The following ARHGEF12 variants were observed in gnomAD, a reference collection of about 807,000 sequenced individuals.
The protein encoded by ARHGEF12 is Rho guanine nucleotide exchange factor 12, also known as KMT2A/ARHGEF12 fusion protein.
A neutral mutation model predicts 211.2 loss-of-function variants in ARHGEF12; 66 were observed. The observed-to-expected ratio is 0.31, with a 90% CI of 0.26 to 0.38. The LOEUF is 0.38. Among genes scored for constraint, ARHGEF12 ranks in the 10% least tolerant of loss-of-function variants. ARHGEF12 has a pLI of 1.00. For synonymous variants in ARHGEF12, 592 were observed against 638.4 expected, an observed-to-expected ratio of 0.93 and a Z score of 1.09; for missense variants, 1,429 against 1,869.5, an observed-to-expected ratio of 0.76 and a Z score of 4.34.
At chr11:120,446,731 A>G (rs1946058991) in intron 17 of ARHGEF12, among the ~76,000 whole-genome samples, 2 of 152,126 alleles carry the variant, frequency 1.3e-5, no homozygotes, top group African/African-American at 2.4e-5. Flanking sequence ...TGCTGTGTCT[A>G]TGCTAAGTGT....
In ARHGEF12 at chr11:120,441,572, A is replaced by G. The variant is rs1945869019; in HGVS notation, c.1093-135A>G. The G allele has an allele frequency of 6.4e-6, 4 of 620,386 alleles. No individual in the cohort carries two copies. The Admixed American group carries it at 1.3e-4, about 20-fold the overall frequency. 38.4% of individuals were successfully genotyped at this position (620,386 alleles called of 1,614,324 possible). On this transcript the variant is annotated intron_variant, in intron 13 of 40. Transcript: ENST00000397843. ...ATAGCTTCTGTTGCTAATAAATTTT[A>G]GTGAAGTTTTTTAAATCTTGAATTT...
chr11:120,468,676 C>T (rs569456032), intron 29 of ARHGEF12, among the ~76,000 whole-genome samples: 1 of 152,306 alleles, frequency 6.6e-6, no homozygotes, highest in African/African-American at 2.4e-5. Context: ...GTCTTGAACT[C>T]CTGACCTCAG....
intron 1 of ARHGEF12, among the ~76,000 whole-genome samples, chr11:120,396,785 A>C (rs1405359094): frequency 6.6e-6 from 1 of 152,234 alleles, no homozygotes; most frequent in Non-Finnish European, 1.5e-5. Context: ...ATGATACCAT[A>C]AACATGGGCA....
intron 1 of ARHGEF12, among the ~76,000 whole-genome samples, chr11:120,356,698 T>G (rs1404921684): frequency 6.6e-6 from 1 of 152,238 alleles, no homozygotes; most frequent in African/African-American, 2.4e-5. Flanking sequence ...GTAGGCTTCC[T>G]GGATTACTTG....
chr11:120,412,012 G>A (rs1285069451), intron 4 of ARHGEF12, among the ~76,000 whole-genome samples: 1 of 152,110 alleles, frequency 6.6e-6, no homozygotes, highest in Non-Finnish European at 1.5e-5. Flanking sequence ...AGGAAACCAA[G>A]TGTTTGCTTT....
chr11:120,378,704 C>A lies in ARHGEF12; in HGVS notation c.33-27414C>A, dbSNP rs1034848048. Reference sequence around the variant, plus strand: ...GTTTGTGCGTGTTTTGGCATGTTTTCCAGCACCATTTGCAGAAAAGACTGT... The same window carrying A: ...GTTTGTGCGTGTTTTGGCATGTTTTACAGCACCATTTGCAGAAAAGACTGT... On this transcript the variant is annotated intron_variant, in intron 1 of 40. Transcript: ENST00000397843. Among the ~76,000 whole-genome samples the A allele has an allele frequency of 5.9e-5, 9 of 152,146 alleles. No homozygotes were observed. In the South Asian group the frequency reaches 6.2e-4, roughly 11 times the overall value.
At chr11:120,347,548 A>G (rs942824314) in intron 1 of ARHGEF12, among the ~76,000 whole-genome samples, 1 of 152,136 alleles carries the variant, frequency 6.6e-6, no homozygotes, top group African/African-American at 2.4e-5. Flanking sequence ...GAAAGGATCT[A>G]TCATATCTTT....
chr11:120,394,612 C>T (rs1254056648), intron 1 of ARHGEF12, among the ~76,000 whole-genome samples: 4 of 151,508 alleles, frequency 2.6e-5, no homozygotes, highest in East Asian at 1.9e-4. Flanking sequence ...AAAACAGTAG[C>T]GAACATTAAC....
At chr11:120,465,808 G>A (rs1565503448) in intron 28 of ARHGEF12, among the ~76,000 whole-genome samples, 1 of 152,138 alleles carries the variant, frequency 6.6e-6, no homozygotes, top group Non-Finnish European at 1.5e-5. Flanking sequence ...TAAATTCCTG[G>A]AAGGTACAAA....
intron 1 of ARHGEF12, among the ~76,000 whole-genome samples, chr11:120,364,543 G>A (rs145728671): frequency 6.6e-6 from 1 of 152,176 alleles, no homozygotes; most frequent in Non-Finnish European, 1.5e-5. Flanking sequence ...TTTAGTAGGG[G>A]CAAAGAGGAA....
At chr11:120,424,896 C>T (rs1945292728) in intron 7 of ARHGEF12, among the ~76,000 whole-genome samples, 1 of 152,156 alleles carries the variant, frequency 6.6e-6, no homozygotes, top group Non-Finnish European at 1.5e-5. Flanking sequence ...AGCACAATCA[C>T]TTTCCCTCAG....
chr11:120,465,687 C>G (rs1015344423), intron 28 of ARHGEF12, among the ~76,000 whole-genome samples: 1 of 152,070 alleles, frequency 6.6e-6, no homozygotes, highest in Non-Finnish European at 1.5e-5. Flanking sequence ...AGGCTGGGCT[C>G]GAACACCTGA....
rs555919537 is a variant in ARHGEF12, at chr11:120,479,955, T to G, written c.3767-5T>G. On this transcript the variant is annotated splice_polypyrimidine_tract_variant and splice_region_variant and intron_variant, in intron 37 of 40. Coordinates refer to ENST00000397843, the MANE Select transcript of ARHGEF12 (RefSeq NM_015313.3). ...TTTTTTCCCCCTCCTTCCTAAATCG[T>G]TTAGTGGGTTTGTTGAAGCAGTTGC... 110 of 1,607,294 alleles carry G rather than the reference T, an allele frequency of 6.8e-5. No homozygotes were observed. In the East Asian group the frequency reaches 2.4e-3, roughly 35 times the overall value.
intron 7 of ARHGEF12, among the ~76,000 whole-genome samples, chr11:120,425,221 TG>T (rs1299410248): frequency 6.6e-6 from 1 of 152,116 alleles, no homozygotes; most frequent in Non-Finnish European, 1.5e-5. Context: ...CAGGTGGTGA[TG>T]GGGTGGGTCA....
intron 19 of ARHGEF12, 152 bp downstream of exon 19, chr11:120,448,058 C>A: frequency 1.3e-6 from 1 of 773,478 alleles, no homozygotes; most frequent in South Asian, 2.0e-5. Flanking sequence ...GACTAATATT[C>A]TACTGTTGTC....
chr11:120,409,619 G>A lies in ARHGEF12; in HGVS notation c.199+169G>A, dbSNP rs568676098. 1.2e-3 allele frequency: 764 copies of A among 625,538 alleles called. 2 individuals carry two copies. Among genetic ancestry groups the A allele is most frequent in the South Asian group, 2.0e-3 (84 of 42,082 alleles). The allele number at this position is 625,538 out of a possible 1,614,324, so 38.7% of individuals were successfully genotyped here. ...GGGAAAGGGAGCCTGGGGTTTTAAC[G>A]TGGCTGTGATGTGGAAGCTTAAGGT... On this transcript the variant is annotated intron_variant, in intron 4 of 40. Transcript: ENST00000397843.
chr11:120,416,976 A>G (rs1353873053), intron 4 of ARHGEF12, among the ~76,000 whole-genome samples: 1 of 152,242 alleles, frequency 6.6e-6, no homozygotes, highest in African/African-American at 2.4e-5. Flanking sequence ...GTTTATTAAC[A>G]TAAAAGTACT....
At position 120,485,732 on chromosome 11, in the gene ARHGEF12, G is replaced by C. The variant is rs973136114; in HGVS notation, c.*655G>C. ...CCGTGTGGCTCTTATGTGCCCAGGTGGTGTGGTCAGAGAGTGGATGGGCTT... is the reference window on the plus strand; with the variant it reads ...CCGTGTGGCTCTTATGTGCCCAGGTCGTGTGGTCAGAGAGTGGATGGGCTT... On this transcript the variant is annotated 3_prime_UTR_variant, in exon 41 of 41. Transcript: ENST00000397843. The C allele has an allele frequency of 4.3e-6, 1 of 233,634 alleles. No homozygotes were observed. Among genetic ancestry groups the C allele is most frequent in the Non-Finnish European group, 8.5e-6 (1 of 118,098 alleles). The allele number at this position is 233,634 out of a possible 1,614,324, so 14.5% of individuals were successfully genotyped here. A position where few individuals can be genotyped will look rare whatever the true frequency, so the allele number is the denominator to read the frequency against.
intron 1 of ARHGEF12, among the ~76,000 whole-genome samples, chr11:120,396,596 A>G (rs1438327295): frequency 1.3e-5 from 2 of 152,250 alleles, no homozygotes; most frequent in Non-Finnish European, 2.9e-5. Context: ...GCAAAAGGCA[A>G]TTCAGTTTCA....
Sources: gnomAD v4.1 joint callset for allele counts (sites outside exome capture counted in the v4.1 genomes callset) on GRCh38, gnomAD v4.1.1 for gene constraint, MANE v1.5 for transcripts, NCBI Gene and HGNC (gene_info 2026-07-23, HGNC 2026-07-21) for gene names.